KDM6A: variants seen among roughly 807,000 people sequenced by gnomAD.
KDM6A encodes the protein lysine demethylase 6A.
A neutral mutation model predicts 117.6 loss-of-function variants in KDM6A; 11 were observed. That is an observed-to-expected ratio of 0.09 (90% CI 0.06 to 0.15). The LOEUF is 0.15. Among genes scored for constraint, KDM6A ranks in the 10% least tolerant of loss-of-function variants. The pLI is 1.00. For synonymous variants in KDM6A, 384 were observed against 396.1 expected (o/e 0.97, Z 0.36); for missense variants, 799 against 1,077.3 (o/e 0.74, Z 3.62).
At chrX:44,943,239 G>T (rs1395758722) in intron 2 of KDM6A, among the ~76,000 whole-genome samples, 2 of 110,781 alleles carry the variant, frequency 1.8e-5, no homozygotes, top group East Asian at 5.6e-4. Flanking sequence ...CAATTTTTTT[G>T]GTCTCCTGGT....
chrX:45,094,994 T>C, intron 27 of KDM6A, among the ~76,000 whole-genome samples: 1 of 111,575 alleles, frequency 9.0e-6, no homozygotes. Flanking sequence ...TTAATTAATA[T>C]GATCTAATTT....
intron 2 of KDM6A, among the ~76,000 whole-genome samples, chrX:44,920,005 A>G (rs1457082788): frequency 3.6e-5 from 4 of 112,352 alleles, no homozygotes; most frequent in African/African-American, 6.5e-5. Flanking sequence ...CCAAAATACT[A>G]TTGTTCAGGA....
At chrX:44,946,655 C>T (rs774682496) in intron 2 of KDM6A, among the ~76,000 whole-genome samples, 50 of 110,811 alleles carry the variant, frequency 4.5e-4, no homozygotes, top group Non-Finnish European at 1.9e-4. Flanking sequence ...GCCATTTTTC[C>T]GTGTTTTCTT....
intron 4 of KDM6A, among the ~76,000 whole-genome samples, chrX:45,000,424 TGGTTGATGAAGTGCCAGGGTGAAAGG>T (rs1479491816): frequency 6.3e-5 from 7 of 111,481 alleles, no homozygotes; most frequent in Admixed American, 3.8e-4. Flanking sequence ...TTCCTTCCTC[TGGTTGATGAAGTGCCAGGGTGAAAGG>T]GGTTGATGAA....
intron 2 of KDM6A, among the ~76,000 whole-genome samples, chrX:44,876,181 T>C (rs1185406655): frequency 9.0e-6 from 1 of 110,951 alleles, no homozygotes; most frequent in Non-Finnish European, 1.9e-5. Context: ...TAGGACAAGA[T>C]TCATCAGCCT....
At chrX:45,017,322 T>C (rs1400784149) in intron 5 of KDM6A, among the ~76,000 whole-genome samples, 3 of 111,866 alleles carry the variant, frequency 2.7e-5, no homozygotes, top group Non-Finnish European at 5.6e-5. Context: ...TTAGTCTAGT[T>C]TGTGCCATAG....
At chrX:44,996,469 G>A (rs749413067) in intron 4 of KDM6A, among the ~76,000 whole-genome samples, 1 of 108,621 alleles carries the variant, frequency 9.2e-6, no homozygotes, top group African/African-American at 3.3e-5. Flanking sequence ...TCACTTACTA[G>A]TTATGAGATG....
chrX:44,944,691 G>A (rs2037531787), intron 2 of KDM6A, among the ~76,000 whole-genome samples: 2 of 110,377 alleles, frequency 1.8e-5, no homozygotes, highest in African/African-American at 6.8e-5. Flanking sequence ...GCTGTTGTAT[G>A]CGATAAAAAA....
chrX:45,003,081 G>C (rs904534337), intron 4 of KDM6A, among the ~76,000 whole-genome samples: 2 of 111,223 alleles, frequency 1.8e-5, no homozygotes, highest in Non-Finnish European at 3.8e-5. Flanking sequence ...AATTGGTATA[G>C]ATGGTTCCTT....
chrX:44,981,399 C>G (rs1393172193), intron 4 of KDM6A, among the ~76,000 whole-genome samples: 1 of 111,907 alleles, frequency 8.9e-6, no homozygotes, highest in Non-Finnish European at 1.9e-5. Flanking sequence ...TGAAGAGATG[C>G]ATAGGATGAG....
intron 8 of KDM6A, among the ~76,000 whole-genome samples, chrX:45,048,035 C>T (rs1389632129): frequency 9.4e-6 from 1 of 106,825 alleles, no homozygotes; most frequent in African/African-American, 3.4e-5. Flanking sequence ...GATGGCGTGC[C>T]TGTAATCCTA....
intron 4 of KDM6A, among the ~76,000 whole-genome samples, chrX:44,993,502 AC>A (rs753963158): frequency 5.4e-5 from 6 of 110,653 alleles, no homozygotes; most frequent in African/African-American, 2.0e-4. Flanking sequence ...GAGCCACTGC[AC>A]CCAGCTTCTT....
At chrX:44,952,519 C>T (rs938955848) in intron 2 of KDM6A, among the ~76,000 whole-genome samples, 4 of 110,599 alleles carry the variant, frequency 3.6e-5, no homozygotes, top group Middle Eastern at 4.2e-3. Context: ...GTGATCAACC[C>T]GCCTCGGCCT....
rs775630807 is a variant in KDM6A at position 45,069,844 on chromosome X, C to G, written c.2345C>G (p.Thr782Arg). ...GGAAACATATTGACGGTGCCTGAAA[C>G]AAGCAGGCACACTGGAGAGACACCT... ...PSGNILTVPE[T>R]SRHTGETPNS... The change falls in exon 18 of 30, where the codon ACA (threonine) becomes AGA (arginine). Residue 782 changes from threonine to arginine, a missense_variant. Physicochemically the swap from Thr to Arg is moderately conservative, Grantham distance 71. Coordinates refer to ENST00000611820, the MANE Select transcript of KDM6A (RefSeq NM_001291415.2). 6 of 1,211,387 alleles carry G rather than the reference C, an allele frequency of 5.0e-6. No homozygotes were observed. Among genetic ancestry groups the G allele is most frequent in the Non-Finnish European group, 5.6e-6 (5 of 895,196 alleles).
intron 21 of KDM6A, chrX:45,082,348 C>T (rs1479904665): frequency 1.3e-5 from 5 of 388,860 alleles, no homozygotes; most frequent in East Asian, 4.4e-5. Context: ...GCAGGAGAAT[C>T]GTTTGAGCCC....
chrX:45,106,294 A>G (rs1269476509), intron 27 of KDM6A, among the ~76,000 whole-genome samples: 2 of 111,580 alleles, frequency 1.8e-5, no homozygotes, highest in Non-Finnish European at 3.8e-5. Flanking sequence ...CCACCAGGTT[A>G]ATATACACGG....
intron 2 of KDM6A, among the ~76,000 whole-genome samples, chrX:44,876,538 C>G (rs1261374242): frequency 9.1e-6 from 1 of 109,781 alleles, no homozygotes; most frequent in East Asian, 2.9e-4. Flanking sequence ...CAGGTTTAGG[C>G]TACTTACCTG....
chrX:45,002,186 C>A (rs1253788225), intron 4 of KDM6A, among the ~76,000 whole-genome samples: 1 of 109,550 alleles, frequency 9.1e-6, no homozygotes, highest in Non-Finnish European at 1.9e-5. Flanking sequence ...ACAGTGCTTC[C>A]TGTATGATTT....
chrX:44,938,520 G>C (rs1048155257), intron 2 of KDM6A, among the ~76,000 whole-genome samples: 3 of 112,166 alleles, frequency 2.7e-5, no homozygotes, highest in Admixed American at 9.5e-5. Flanking sequence ...GAGGTTTAAC[G>C]AAAGAATCTA....
Sources: allele counts gnomAD v4.1 joint callset (sites outside exome capture counted in the v4.1 genomes callset), GRCh38; gene constraint gnomAD v4.1.1; transcripts MANE v1.5; gene names NCBI Gene and HGNC (gene_info 2026-07-23, HGNC 2026-07-21).